RPS6KA2: variants seen among roughly 807,000 people sequenced by gnomAD.
RPS6KA2 encodes ribosomal protein S6 kinase alpha-2.
In RPS6KA2, 42 loss-of-function variants were observed where a neutral mutation model predicts 91.8. That is an observed-to-expected ratio of 0.46 (90% CI 0.36 to 0.59). The LOEUF is 0.59. Among genes scored for constraint, RPS6KA2 ranks in the 20% least tolerant of loss-of-function variants. The pLI is 0.00. For synonymous variants in RPS6KA2, 414 were observed against 393.6 expected (o/e 1.05, Z -0.61); for missense variants, 798 against 978.5 (o/e 0.82, Z 2.46).
At chr6:166,718,238 G>C (rs747206660) in intron 2 of RPS6KA2, among the ~76,000 whole-genome samples, 2 of 152,176 alleles carry the variant, frequency 1.3e-5, no homozygotes, top group Non-Finnish European at 2.9e-5. Flanking sequence ...AGGCACAAAG[G>C]GAACTAGGGA....
chr6:166,641,700 A>G (rs1787437834), intron 2 of RPS6KA2, among the ~76,000 whole-genome samples: 1 of 129,252 alleles, frequency 7.7e-6, no homozygotes, highest in African/African-American at 3.0e-5. Flanking sequence ...AGCCTGGGTA[A>G]AAGAGTGAGA....
At chr6:166,519,950 G>A (rs1782793313) in intron 3 of RPS6KA2, among the ~76,000 whole-genome samples, 2 of 152,134 alleles carry the variant, frequency 1.3e-5, no homozygotes, top group African/African-American at 4.8e-5. Context: ...GTGTGTGTGA[G>A]GGCGTTTCTG....
chr6:166,504,447 A>G (rs1782126213), intron 6 of RPS6KA2, 59 bp downstream of exon 6: 4 of 1,010,302 alleles, frequency 4.0e-6, no homozygotes, highest in Non-Finnish European at 6.1e-6. Flanking sequence ...AACATGGGCC[A>G]GGAAAATACA....
chr6:166,789,713 G>A (rs1256116341), intron 2 of RPS6KA2, among the ~76,000 whole-genome samples: 4 of 152,210 alleles, frequency 2.6e-5, no homozygotes, highest in South Asian at 2.1e-4. Context: ...ACCAATATCC[G>A]CTGTTCTGCA....
chr6:166,679,240 G>C (rs1410920007), intron 2 of RPS6KA2, among the ~76,000 whole-genome samples: 3 of 151,948 alleles, frequency 2.0e-5, no homozygotes, highest in African/African-American at 7.3e-5. Flanking sequence ...GATCACCTGA[G>C]GTCAGGAGTT....
intron 2 of RPS6KA2, among the ~76,000 whole-genome samples, chr6:166,774,139 A>T (rs559267810): frequency 6.6e-6 from 1 of 152,298 alleles, no homozygotes; most frequent in African/African-American, 2.4e-5. Flanking sequence ...AGTCTGGATG[A>T]CCAAGATTCA....
At chr6:166,540,222 T>C (rs919093747) in intron 1 of RPS6KA2, among the ~76,000 whole-genome samples, 1 of 152,260 alleles carries the variant, frequency 6.6e-6, no homozygotes, top group African/African-American at 2.4e-5. Flanking sequence ...TACATGACGA[T>C]GTTTGAAAAA....
At chr6:166,714,112 T>A (rs909437448) in intron 2 of RPS6KA2, among the ~76,000 whole-genome samples, 2 of 152,212 alleles carry the variant, frequency 1.3e-5, no homozygotes, top group African/African-American at 4.8e-5. Context: ...TATTCCTTCC[T>A]GTGACTTCGA....
chr6:166,531,193 A>G (rs1251569280), intron 3 of RPS6KA2, 39 bp downstream of exon 3: 1 of 1,328,596 alleles, frequency 7.5e-7, no homozygotes. Context: ...AATTGCAGTT[A>G]CCTGTCTCTG....
In RPS6KA2 at chr6:166,494,806, C is replaced by T. The variant is rs79875664; in HGVS notation, c.747+3702G>A. Among the ~76,000 whole-genome samples, 1,285 of 152,258 alleles carry T rather than the reference C, an allele frequency of 8.4e-3. 11 individuals are homozygous for T. The highest frequency in any genetic ancestry group is 0.029 in the African/African-American group (1,188 of 41,530). ...CCAGCACACATCCACCTCCAGGGGACGGACGGCCACCCACACATGAGGACC... is the reference window on the plus strand; with the variant it reads ...CCAGCACACATCCACCTCCAGGGGATGGACGGCCACCCACACATGAGGACC... On this transcript the variant is annotated intron_variant, in intron 8 of 20. Coordinates refer to ENST00000265678, the MANE Select transcript of RPS6KA2 (RefSeq NM_021135.6). The surrounding 1 kb of genome is among the most constrained non-coding windows in gnomAD (Gnocchi z 5.1).
intron 2 of RPS6KA2, among the ~76,000 whole-genome samples, chr6:166,728,254 G>T (rs1251459771): frequency 6.6e-6 from 1 of 152,114 alleles, no homozygotes; most frequent in African/African-American, 2.4e-5. Flanking sequence ...GACTGGCCAG[G>T]GTGATTCAGA....
chr6:166,480,515 A>ATATATATATATATATATATATATT (rs1438315609), intron 10 of RPS6KA2, among the ~76,000 whole-genome samples: 1 of 84,366 alleles, frequency 1.2e-5, no homozygotes, highest in African/African-American at 6.1e-5. Context: ...ATATATATAT[A>ATATATATATATATATATATATATT]ATATATTTTT....
chr6:166,747,166 G>A (rs1172330568), intron 2 of RPS6KA2, among the ~76,000 whole-genome samples: 1 of 152,122 alleles, frequency 6.6e-6, no homozygotes, highest in Admixed American at 6.5e-5. Context: ...TGGGGGTTGG[G>A]GGTGGGGATG....
chr6:166,564,120 C>T (rs188784760), intron 1 of RPS6KA2, among the ~76,000 whole-genome samples: 2 of 152,310 alleles, frequency 1.3e-5, no homozygotes, highest in East Asian at 1.9e-4. Flanking sequence ...CTTAGAGAAG[C>T]GGCCTATTAA....
Position 166,746,352 on chromosome 6 carries a change from T to C in RPS6KA2, c.123+111848A>G, listed in dbSNP as rs143923404. On this transcript the variant is annotated intron_variant, in intron 2 of 21. Transcript: ENST00000503859. The stretch of plus-strand genomic sequence containing the variant: ...GGACACAGGAAAACTCAGCGTGTGT[T>C]TTCCTGTTCTCACACAGTCAACCCA... Among the ~76,000 whole-genome samples the C allele has an allele frequency of 2.6e-3, 395 of 152,294 alleles. 6 individuals carry two copies. Among genetic ancestry groups the C allele is most frequent in the African/African-American group, 9.0e-3 (374 of 41,560 alleles).
In RPS6KA2 at chr6:166,726,383, C is replaced by T. The variant is rs1395850018; in HGVS notation, c.123+131817G>A. Among the ~76,000 whole-genome samples the T allele has an allele frequency of 3.3e-5, 5 of 152,206 alleles. No individual in the cohort carries two copies. Among genetic ancestry groups the T allele is most frequent in the African/African-American group, 1.2e-4 (5 of 41,442 alleles). ...TCCATTCCACCTCCGATTCCTAGAG[C>T]TGCAAGCAGCAAGTTGACACAACAC... On this transcript the variant is annotated intron_variant, in intron 2 of 21. Transcript: ENST00000503859. This position sits in a 1 kb window ranked among gnomAD's most constrained non-coding sequence, Gnocchi z 4.4.
intron 2 of RPS6KA2, among the ~76,000 whole-genome samples, chr6:166,783,292 AT>A (rs2128611061): frequency 6.6e-6 from 1 of 151,978 alleles, no homozygotes; most frequent in South Asian, 2.1e-4. Context: ...TACCTTCGTA[AT>A]GTGAGTGGGC....
intron 1 of RPS6KA2, chr6:166,586,099 C>T (rs13204493): frequency 1.5e-6 from 2 of 1,313,180 alleles, no homozygotes; most frequent in Non-Finnish European, 1.0e-6. Flanking sequence ...AATGCTTTTA[C>T]TAAAAGCTGC....
rs149521975 is a variant in RPS6KA2 at position 166,418,234 on chromosome 6, G to A, written c.1929C>T (p.Asp643=). 122 of 1,603,400 alleles carry A rather than the reference G, an allele frequency of 7.6e-5. No individual in the cohort carries two copies. The highest frequency in any genetic ancestry group is 3.1e-4 in the South Asian group (28 of 90,668). ...LSGGNWDSIS[D]AAKDVVSKML... ...TGGGACATGTACTCACTTTAGCTGC[G>A]TCAGATATCGAGTCCCAGTTTCCCC... Residue 643 remains aspartate (D), a synonymous_variant, in exon 19 of 21, where the codon GAC becomes GAT. Transcript: ENST00000265678. This position sits in a 1 kb window ranked among gnomAD's most constrained non-coding sequence, Gnocchi z 4.9.
Sources: gnomAD v4.1 joint callset for allele counts (sites outside exome capture counted in the v4.1 genomes callset) on GRCh38, gnomAD v4.1.1 for gene constraint, Gnocchi (gnomAD v3.1) non-coding constraint, MANE v1.5 for transcripts, NCBI Gene and HGNC (gene_info 2026-07-23, HGNC 2026-07-21) for gene names.